GPM6B: variants seen among roughly 807,000 people sequenced by gnomAD.
The protein encoded by GPM6B is neuronal membrane glycoprotein M6-b.
GPM6B carries 4 observed loss-of-function variants against 27.2 expected under a neutral mutation model. The ratio of observed to expected loss-of-function variants is 0.15; its 90% CI spans 0.07 to 0.34. The LOEUF (loss-of-function observed/expected upper bound fraction) is 0.34, where lower values mean the gene tolerates loss of function less well. Among genes scored for constraint, GPM6B ranks in the 10% least tolerant of loss-of-function variants. The pLI is 1.00. For missense variants in GPM6B, 183 were observed against 261.9 expected (o/e 0.70, Z 2.08); for synonymous variants, 124 against 103.1 (o/e 1.20, Z -1.23).
chrX:13,911,421 G>A (rs1410169945), intron 1 of GPM6B, among the ~76,000 whole-genome samples: 1 of 112,198 alleles, frequency 8.9e-6, no homozygotes, highest in East Asian at 2.8e-4. Flanking sequence ...TTTTGGTGAT[G>A]ATGGAAATAT....
At position 13,772,775 on chromosome X, in the gene GPM6B, T is replaced by C; in HGVS notation, c.*106A>G. 1 of 735,622 alleles carries C rather than the reference T, an allele frequency of 1.4e-6. No individual in the cohort carries two copies. The highest frequency in any genetic ancestry group is 2.0e-6 in the Non-Finnish European group (1 of 498,014). 60.6% of individuals were successfully genotyped at this position (735,622 alleles called of 1,213,427 possible). A position where few individuals can be genotyped will look rare whatever the true frequency, so the allele number is the denominator to read the frequency against. ...AGCTTGAGACAGACAGTGAAGTGTTTGTACATCTACATTAGTTTGGTGGGA... is the reference window on the plus strand; with the variant it reads ...AGCTTGAGACAGACAGTGAAGTGTTCGTACATCTACATTAGTTTGGTGGGA... On this transcript the variant is annotated 3_prime_UTR_variant, in exon 8 of 8. Coordinates refer to ENST00000316715, the MANE Select transcript of GPM6B (RefSeq NM_001001995.3).
chrX:13,789,145 T>C (rs1262861698), intron 2 of GPM6B, among the ~76,000 whole-genome samples: 1 of 112,104 alleles, frequency 8.9e-6, no homozygotes, highest in African/African-American at 3.2e-5. Context: ...CAGCTGGATG[T>C]AGAGCTTATT....
intron 1 of GPM6B, among the ~76,000 whole-genome samples, chrX:13,909,957 T>C (rs1157571450): frequency 1.8e-5 from 2 of 111,916 alleles, no homozygotes; most frequent in Admixed American, 9.5e-5. Flanking sequence ...CTTTCCCTCC[T>C]ACCCGTCAAT....
chrX:13,930,807 A>T (rs1921473026), intron 1 of GPM6B, among the ~76,000 whole-genome samples: 1 of 112,491 alleles, frequency 8.9e-6, no homozygotes, highest in East Asian at 2.8e-4. Flanking sequence ...CTGCTAAAGA[A>T]ATACACTTCA....
intron 4 of GPM6B, among the ~76,000 whole-genome samples, chrX:13,780,262 G>T (rs747243730): frequency 9.0e-6 from 1 of 111,489 alleles, no homozygotes; most frequent in Admixed American, 9.5e-5. Context: ...AAGGACAGGA[G>T]ACCCCAAGAG....
intron 2 of GPM6B, among the ~76,000 whole-genome samples, chrX:13,787,125 T>C (rs747356002): frequency 7.2e-5 from 7 of 97,212 alleles, no homozygotes; most frequent in Non-Finnish European, 1.4e-4. Flanking sequence ...TAAAACACCA[T>C]AGATGAATGT....
chrX:13,860,414 G>A (rs1476956071), intron 1 of GPM6B, among the ~76,000 whole-genome samples: 3 of 104,841 alleles, frequency 2.9e-5, no homozygotes, highest in African/African-American at 1.1e-4. Context: ...AGGCAAAGCA[G>A]TCACTACAAT....
chrX:13,818,848 T>C (rs2049277064), upstream of GPM6B, among the ~76,000 whole-genome samples: 1 of 112,706 alleles, frequency 8.9e-6, no homozygotes, highest in Admixed American at 9.4e-5. Flanking sequence ...GTAACAGGCT[T>C]GCTTTCCCAG....
intron 1 of GPM6B, among the ~76,000 whole-genome samples, chrX:13,846,858 T>C (rs5935665): frequency 0.42 from 41,708 of 99,578 alleles, 7,673 homozygotes; most frequent in Middle Eastern, 0.46. Context: ...CTGACACATG[T>C]TTTAGGCAAA....
intron 1 of GPM6B, among the ~76,000 whole-genome samples, chrX:13,935,215 T>C (rs73197746): frequency 0.074 from 8,080 of 109,742 alleles, 298 homozygotes; most frequent in Non-Finnish European, 0.1. Flanking sequence ...TGATAGGCAA[T>C]TGGCCACTCA....
intron 1 of GPM6B, among the ~76,000 whole-genome samples, chrX:13,824,778 G>A (rs1032144901): frequency 5.4e-5 from 6 of 111,935 alleles, no homozygotes; most frequent in African/African-American, 1.6e-4. Flanking sequence ...TGGAGAGATC[G>A]GGTGATGTAT....
chrX:13,857,285 A>C (rs2049792492), intron 1 of GPM6B, among the ~76,000 whole-genome samples: 1 of 112,220 alleles, frequency 8.9e-6, no homozygotes, highest in African/African-American at 3.2e-5. Flanking sequence ...TGTTCAGCCT[A>C]CCACAGATAA....
intron 2 of GPM6B, among the ~76,000 whole-genome samples, chrX:13,790,424 T>C (rs1357144069): frequency 8.9e-6 from 1 of 112,068 alleles, no homozygotes; most frequent in Admixed American, 9.5e-5. Flanking sequence ...ATAAAGAATG[T>C]TGGAAGTGAC....
At chrX:13,820,409 G>A (rs374629947), upstream of GPM6B, among the ~76,000 whole-genome samples, 15 of 110,830 alleles carry the variant, frequency 1.4e-4, no homozygotes, top group South Asian at 2.7e-3. Context: ...AGAGAAGGAA[G>A]AAGTTTGGTA....
intron 1 of GPM6B, among the ~76,000 whole-genome samples, chrX:13,900,008 T>A (rs953653964): frequency 8.9e-6 from 1 of 112,281 alleles, no homozygotes; most frequent in East Asian, 2.8e-4. Context: ...CTTCATTATA[T>A]GATAAAGTAT....
At chrX:13,812,579 G>C (rs1424717140) in intron 1 of GPM6B, among the ~76,000 whole-genome samples, 1 of 111,592 alleles carries the variant, frequency 9.0e-6, no homozygotes, top group East Asian at 2.8e-4. Flanking sequence ...CAGTCACAGA[G>C]AGGGGAAGTT....
chrX:13,795,814 A>G, intron 2 of GPM6B, among the ~76,000 whole-genome samples: 1 of 103,342 alleles, frequency 9.7e-6, no homozygotes, highest in Non-Finnish European at 2.0e-5. Flanking sequence ...GTGCAGTGGC[A>G]CGATCTCAGT....
chrX:13,783,516 T>A lies in GPM6B; in HGVS notation c.374A>T (p.Gln125Leu). The change falls in exon 4 of 8, where the codon CAA (glutamine) becomes CTA (leucine). Residue 125 changes from glutamine to leucine, a missense_variant. Gln to Leu is a moderately radical substitution (Grantham distance 113, BLOSUM62 -2). Transcript: ENST00000316715. ...SDHALLSEVI[Q>L]LMQYVIYGIA... ...TCCATAGATGACATACTGCATCAGT[T>A]GTATCCTACAAAGAGAAGAAGAGAT... 1 of 1,193,815 alleles carries A rather than the reference T, an allele frequency of 8.4e-7. No individual in the cohort carries two copies. Among genetic ancestry groups the A allele is most frequent in the Non-Finnish European group, 1.1e-6 (1 of 885,430 alleles).
In GPM6B at chrX:13,877,824, C is replaced by CAAAAAAAAAAAAAAAAAAAAA. The variant is rs761891419; in HGVS notation, c.-198+60482_-198+60502dup. Among the ~76,000 whole-genome samples, 11 of 27,464 alleles carry CAAAAAAAAAAAAAAAAAAAAA rather than the reference C, an allele frequency of 4.0e-4. 2 individuals are homozygous for CAAAAAAAAAAAAAAAAAAAAA. Among genetic ancestry groups the CAAAAAAAAAAAAAAAAAAAAA allele is most frequent in the African/African-American group, 5.5e-4 (3 of 5,455 alleles). The allele number at this position is 27,464 out of a possible 115,157, so 23.8% of individuals were successfully genotyped here. ...CCTGGGCATTAGAGCCAGACTCTGCCAAAAAAAAAAAAAAAAAAAAAAAAA... is the reference window on the plus strand; with the variant it reads ...CCTGGGCATTAGAGCCAGACTCTGCCAAAAAAAAAAAAAAAAAAAAAAAAAAAAAAAAAAAAAAAAAAAAAA... On this transcript the variant is annotated intron_variant, in intron 1 of 6. Coordinates refer to the GPM6B transcript ENST00000398361.
Sources: gnomAD v4.1 joint callset for allele counts (sites outside exome capture counted in the v4.1 genomes callset) on GRCh38, gnomAD v4.1.1 for gene constraint, MANE v1.5 for transcripts, NCBI Gene and HGNC (gene_info 2026-07-23, HGNC 2026-07-21) for gene names.